VTCN1: variants seen among roughly 807,000 people sequenced by gnomAD.
VTCN1 encodes V-set domain containing T cell activation inhibitor 1.
In VTCN1, 26 loss-of-function variants were observed where a neutral mutation model predicts 26.5. The ratio of observed to expected loss-of-function variants is 0.98; its 90% CI spans 0.72 to 1.36. The LOEUF (loss-of-function observed/expected upper bound fraction) is 1.36, where lower values mean the gene tolerates loss of function less well. VTCN1 is among the 40% of genes most tolerant of loss of function. The pLI, the probability that VTCN1 is intolerant of heterozygous loss-of-function variation, is 0.00. For synonymous variants in VTCN1, 116 were observed against 130.7 expected, an observed-to-expected ratio of 0.89 and a Z score of 0.77; for missense variants, 298 against 337.7, an observed-to-expected ratio of 0.88 and a Z score of 0.92.
intron 1 of VTCN1, among the ~76,000 whole-genome samples, chr1:117,181,710 A>G (rs914884345): frequency 6.6e-6 from 1 of 152,168 alleles, no homozygotes; most frequent in Non-Finnish European, 1.5e-5. Flanking sequence ...CTTGAGTGGC[A>G]CTAAGGTTTG....
chr1:117,152,999 T>G (rs1651872862), intron 4 of VTCN1, 92 bp downstream of exon 4: 2 of 1,422,376 alleles, frequency 1.4e-6, no homozygotes, highest in Admixed American at 4.4e-5. Flanking sequence ...GAGATTTTTG[T>G]GCCTTGGTAT....
At position 117,159,945 on chromosome 1, in the gene VTCN1, C is replaced by T. The variant is rs1652279133; in HGVS notation, c.98-3024G>A. 6.6e-6 allele frequency among the ~76,000 whole-genome samples: 1 copy of T among 152,224 alleles called. No individual in the cohort carries two copies. Among genetic ancestry groups the T allele is most frequent in the Non-Finnish European group, 1.5e-5 (1 of 68,040 alleles). ...ATGTGCCAGCTGTATCCAACTGCTT[C>T]CTCCTCACTTGGCCAGCCTACAGCC... On this transcript the variant is annotated intron_variant, in intron 2 of 5. Transcript: ENST00000369458. The surrounding 1 kb of genome is among the most constrained non-coding windows in gnomAD (Gnocchi z 4.7).
chr1:117,174,532 C>T (rs1186547768), intron 1 of VTCN1, among the ~76,000 whole-genome samples: 4 of 152,108 alleles, frequency 2.6e-5, no homozygotes, highest in African/African-American at 9.7e-5. Flanking sequence ...TTTGGGAGGC[C>T]GAGGCGGGCG....
intron 1 of VTCN1, among the ~76,000 whole-genome samples, chr1:117,207,524 A>G (rs1649122114): frequency 6.6e-6 from 1 of 151,226 alleles, no homozygotes; most frequent in Admixed American, 6.6e-5. Context: ...CTCCCTCCAC[A>G]TGCTCTCCGT....
In VTCN1 at chr1:117,147,743, T is replaced by C. The variant is rs779062577; in HGVS notation, c.764A>G (p.Asn255Ser). Residue 255 changes from asparagine to serine, a missense_variant, in exon 5 of 6, where the codon AAC (asparagine) becomes AGC (serine). By Grantham distance (46) the Asn-to-Ser change is conservative. Coordinates refer to ENST00000369458, the MANE Select transcript of VTCN1 (RefSeq NM_024626.4). The surrounding 1 kb of genome is among the most constrained non-coding windows in gnomAD (Gnocchi z 4.6). ...IKRRSHLQLL[N>S]SKASLCVSSF... ...AGAGACACACAGAGAAGCCTTTGAG[T>C]TTAGCAGCTGTAGGTGACTCCGCCT... 6.2e-7 allele frequency: 1 copy of C among 1,613,866 alleles called. No homozygotes were observed. Among genetic ancestry groups the C allele is most frequent in the Non-Finnish European group, 8.5e-7 (1 of 1,179,902 alleles).
intron 2 of VTCN1, among the ~76,000 whole-genome samples, chr1:117,163,039 C>CCA (rs1407175846): frequency 1.4e-4 from 21 of 152,296 alleles, no homozygotes; most frequent in African/African-American, 5.1e-4. Flanking sequence ...CAGATGGGCA[C>CCA]CACAGTACAT....
At position 117,167,304 on chromosome 1, in the gene VTCN1, T is replaced by C. The variant is rs976624954; in HGVS notation, c.97+2803A>G. Among the ~76,000 whole-genome samples, 4 of 152,138 alleles carry C rather than the reference T, an allele frequency of 2.6e-5. No individual in the cohort carries two copies. Among genetic ancestry groups the C allele is most frequent in the African/African-American group, 9.6e-5 (4 of 41,500 alleles). Reference sequence around the variant, plus strand: ...ATGTAACCATCATCACACCAAGAAATAGAACCTTACTGCCCTCCCAGCAGT... The same window carrying C: ...ATGTAACCATCATCACACCAAGAAACAGAACCTTACTGCCCTCCCAGCAGT... On this transcript the variant is annotated intron_variant, in intron 2 of 5. Transcript: ENST00000369458. This position sits in a 1 kb window ranked among gnomAD's most constrained non-coding sequence, Gnocchi z 4.1.
At chr1:117,163,766 C>T (rs1041209515) in intron 2 of VTCN1, among the ~76,000 whole-genome samples, 6 of 152,110 alleles carry the variant, frequency 3.9e-5, no homozygotes, top group Admixed American at 2.0e-4. Flanking sequence ...TGTAGAGTGC[C>T]AACCCAATAA....
intron 1 of VTCN1, among the ~76,000 whole-genome samples, chr1:117,171,415 T>C (rs981565266): frequency 1.3e-5 from 2 of 152,208 alleles, no homozygotes; most frequent in Non-Finnish European, 2.9e-5. Context: ...TCTAGATCCT[T>C]AAGGAATCAC....
chr1:117,150,120 A>G (rs1570936039), intron 4 of VTCN1, among the ~76,000 whole-genome samples: 1 of 152,288 alleles, frequency 6.6e-6, no homozygotes, highest in Middle Eastern at 3.4e-3. Flanking sequence ...TAAATGACCA[A>G]TACTTCAGTC....
chr1:117,187,457 A>C (rs183479782), intron 1 of VTCN1, among the ~76,000 whole-genome samples: 19 of 152,298 alleles, frequency 1.2e-4, no homozygotes, highest in Non-Finnish European at 5.9e-5. Flanking sequence ...CCCCAATGAC[A>C]TACAGGATCC....
In VTCN1 at chr1:117,153,384, G is replaced by A. The variant is rs564536781; in HGVS notation, c.446-15C>T. ...CATGCTGAAGGCTGCAGGGTCAAAA[G>A]TCAGAAAGGGCAGATGCCAAAGTCA... On this transcript the variant is annotated splice_polypyrimidine_tract_variant and intron_variant, in intron 3 of 5. Transcript: ENST00000369458. 9.4e-6 allele frequency: 15 copies of A among 1,591,174 alleles called. No individual in the cohort carries two copies. In the South Asian group the frequency reaches 1.7e-4, roughly 18 times the overall value.
chr1:117,201,752 A>T (rs1223466927), intron 1 of VTCN1, among the ~76,000 whole-genome samples: 1 of 152,248 alleles, frequency 6.6e-6, no homozygotes, highest in Non-Finnish European at 1.5e-5. Flanking sequence ...TATGGTCATT[A>T]GACAAAGATC....
At chr1:117,190,965 A>G (rs932172540) in intron 1 of VTCN1, among the ~76,000 whole-genome samples, 11 of 152,368 alleles carry the variant, frequency 7.2e-5, no homozygotes, top group African/African-American at 2.4e-4. Flanking sequence ...ATTTAAAATA[A>G]TCATCTTAAA....
intron 1 of VTCN1, among the ~76,000 whole-genome samples, chr1:117,194,092 T>C (rs935337756): frequency 6.6e-6 from 1 of 152,046 alleles, no homozygotes; most frequent in Non-Finnish European, 1.5e-5. Flanking sequence ...ACCTAAAGAA[T>C]AGAAGAAAAT....
At chr1:117,197,483 T>C (rs1240355887) in intron 1 of VTCN1, among the ~76,000 whole-genome samples, 1 of 152,190 alleles carries the variant, frequency 6.6e-6, no homozygotes, top group Non-Finnish European at 1.5e-5. Flanking sequence ...TCAGCTATAA[T>C]AGTAAATATT....
chr1:117,191,382 G>T (rs1041980514), intron 1 of VTCN1, among the ~76,000 whole-genome samples: 1 of 152,208 alleles, frequency 6.6e-6, no homozygotes, highest in Middle Eastern at 3.2e-3. Context: ...GGCCAGGCGT[G>T]GTGGCCTATG....
intron 1 of VTCN1, among the ~76,000 whole-genome samples, chr1:117,171,689 T>C (rs1416187611): frequency 3.3e-5 from 5 of 152,252 alleles, no homozygotes; most frequent in Non-Finnish European, 7.3e-5. Flanking sequence ...CCAAGCAGCA[T>C]GTATAACTTA....
chr1:117,159,418 T>G lies in VTCN1; in HGVS notation c.98-2497A>C, dbSNP rs545173475. ...AACCATAAGATCTTGTGAGACTTATTTACTACCATGAGAACAGTATGGGGG... is the reference window on the plus strand; with the variant it reads ...AACCATAAGATCTTGTGAGACTTATGTACTACCATGAGAACAGTATGGGGG... On this transcript the variant is annotated intron_variant, in intron 2 of 5. Transcript: ENST00000369458. This position sits in a 1 kb window ranked among gnomAD's most constrained non-coding sequence, Gnocchi z 4.7. Among the ~76,000 whole-genome samples the G allele has an allele frequency of 7.3e-4, 111 of 152,328 alleles. No homozygotes were observed. The highest frequency in any genetic ancestry group is 2.6e-3 in the African/African-American group (109 of 41,572).
Sources: allele counts gnomAD v4.1 joint callset (sites outside exome capture counted in the v4.1 genomes callset), GRCh38; gene constraint gnomAD v4.1.1; non-coding constraint Gnocchi (gnomAD v3.1); transcripts MANE v1.5; gene names NCBI Gene and HGNC (gene_info 2026-07-23, HGNC 2026-07-21).